Variants in RAD51B observed in about 807,000 individuals in gnomAD.
The protein encoded by RAD51B is RAD51 paralog B.
In RAD51B, 38 loss-of-function variants were observed where a neutral mutation model predicts 42.2. The observed-to-expected ratio is 0.90, with a 90% confidence interval of 0.70 to 1.18. The LOEUF (loss-of-function observed/expected upper bound fraction) is 1.18, where lower values mean the gene tolerates loss of function less well. Among genes scored for constraint, RAD51B ranks in the 50% most tolerant of loss-of-function variants. The pLI is 0.00. For synonymous variants in RAD51B, 154 were observed against 145.2 expected, an observed-to-expected ratio of 1.06 and a Z score of -0.43; for missense variants, 373 against 400.7, an observed-to-expected ratio of 0.93 and a Z score of 0.59.
chr14:67,998,151 T>A (rs2075418013), intron 7 of RAD51B, among the ~76,000 whole-genome samples: 1 of 152,234 alleles, frequency 6.6e-6, no homozygotes, highest in African/African-American at 2.4e-5. Context: ...TCTAAGTTAT[T>A]GTGATGTACT....
rs2081200258 is a variant in RAD51B at position 68,275,392 on chromosome 14, A to G, written c.757-16492A>G. 2.0e-5 allele frequency among the ~76,000 whole-genome samples: 3 copies of G among 152,234 alleles called. No homozygotes were observed. In the South Asian group the frequency reaches 6.2e-4, roughly 32 times the overall value. On this transcript the variant is annotated intron_variant, in intron 7 of 10. Coordinates refer to ENST00000471583, the MANE Select transcript of RAD51B (RefSeq NM_133510.4). Reference sequence around the variant, plus strand: ...TTGAAAACATAATGGAAAAGTGGAAAGCATTCTTGTCAGTCATGTTGAAAA... The same window carrying G: ...TTGAAAACATAATGGAAAAGTGGAAGGCATTCTTGTCAGTCATGTTGAAAA...
chr14:68,087,747 T>C (rs2077006993), intron 7 of RAD51B, among the ~76,000 whole-genome samples: 1 of 149,734 alleles, frequency 6.7e-6, no homozygotes, highest in Non-Finnish European at 1.5e-5. Flanking sequence ...CATTACATTG[T>C]TGATATTAAA....
intron 8 of RAD51B, among the ~76,000 whole-genome samples, chr14:68,309,872 A>C (rs1223111210): frequency 6.6e-6 from 1 of 152,174 alleles, no homozygotes; most frequent in Non-Finnish European, 1.5e-5. Context: ...ATCATGGGGA[A>C]GTGGTTATTC....
chr14:68,192,620 A>G (rs550510999), intron 7 of RAD51B, among the ~76,000 whole-genome samples: 1 of 152,300 alleles, frequency 6.6e-6, no homozygotes, highest in African/African-American at 2.4e-5. Flanking sequence ...CAGGTTTTCT[A>G]TTTGTGACAA....
chr14:67,983,359 G>T (rs2075129220), intron 7 of RAD51B, among the ~76,000 whole-genome samples: 1 of 152,146 alleles, frequency 6.6e-6, no homozygotes, highest in Admixed American at 6.5e-5. Flanking sequence ...ATATTTTGCT[G>T]CTTCTGTTTT....
chr14:68,239,749 A>G (rs988832309), intron 7 of RAD51B, among the ~76,000 whole-genome samples: 2 of 152,220 alleles, frequency 1.3e-5, no homozygotes, highest in African/African-American at 4.8e-5. Context: ...GACTCTTGAT[A>G]TAACTATCAG....
At chr14:68,365,105 G>C (rs2083114533) in intron 8 of RAD51B, among the ~76,000 whole-genome samples, 1 of 152,204 alleles carries the variant, frequency 6.6e-6, no homozygotes, top group Non-Finnish European at 1.5e-5. Flanking sequence ...GCACTGGGTG[G>C]CTAGGGCTGG....
intron 7 of RAD51B, among the ~76,000 whole-genome samples, chr14:68,151,823 CTTTTTTTTTTTTTTTT>C (rs71129868): frequency 7.8e-4 from 31 of 39,986 alleles, no homozygotes; most frequent in East Asian, 1.9e-3. Flanking sequence ...GTTATAAAGA[CTTTTTTTTTTTTTTTT>C]TTTTTTTTTT....
At chr14:68,569,351 G>T (rs953292870) in intron 10 of RAD51B, among the ~76,000 whole-genome samples, 1 of 152,190 alleles carries the variant, frequency 6.6e-6, no homozygotes, top group African/African-American at 2.4e-5. Flanking sequence ...GCTCAGAAGG[G>T]CAACAGGGTC....
chr14:68,435,724 G>C (rs2085132628), intron 9 of RAD51B, among the ~76,000 whole-genome samples: 1 of 152,126 alleles, frequency 6.6e-6, no homozygotes, highest in Non-Finnish European at 1.5e-5. Context: ...ATTCTGACTG[G>C]TGTGAGATGG....
At chr14:68,651,002 G>T (rs1892688679) in intron 11 of RAD51B, 1 of 572,478 alleles carries the variant, frequency 1.7e-6, no homozygotes, top group African/African-American at 1.9e-5. Flanking sequence ...TATCTCAAAG[G>T]TTTGGGCACT....
chr14:68,171,332 C>G (rs2078867323), intron 7 of RAD51B, among the ~76,000 whole-genome samples: 1 of 152,092 alleles, frequency 6.6e-6, no homozygotes. Context: ...GAGTTTCACT[C>G]CTGTTGCCCA....
At chr14:68,380,965 T>A (rs930191463) in intron 8 of RAD51B, among the ~76,000 whole-genome samples, 5 of 152,244 alleles carry the variant, frequency 3.3e-5, no homozygotes, top group African/African-American at 9.6e-5. Flanking sequence ...CACAGTTTAA[T>A]TGGCATCTAT....
chr14:68,595,951 CTT>C (rs11305606), exon 11 of RAD51B: 8,074 of 335,028 alleles, frequency 0.024, 2 homozygotes, highest in East Asian at 0.063. Context: ...TTGGAATTGT[CTT>C]TTTTTTTTTT....
At chr14:67,877,141 GC>G (rs974643232) in intron 5 of RAD51B, among the ~76,000 whole-genome samples, 1 of 152,024 alleles carries the variant, frequency 6.6e-6, no homozygotes, top group African/African-American at 2.4e-5. Flanking sequence ...AGGGATGCTA[GC>G]CATTCTGTAA....
intron 7 of RAD51B, among the ~76,000 whole-genome samples, chr14:67,893,492 ACACACACACACAC>A (rs2043289257): frequency 4.9e-5 from 4 of 81,240 alleles, no homozygotes; most frequent in South Asian, 4.1e-4. Context: ...ACACACACAC[ACACACACACACAC>A]ACACAAAAAA....
intron 10 of RAD51B, among the ~76,000 whole-genome samples, chr14:68,558,177 A>G (rs988570625): frequency 6.6e-6 from 1 of 152,226 alleles, no homozygotes; most frequent in African/African-American, 2.4e-5. Context: ...ATGGAAGAGC[A>G]GGAGGTTTAG....
chr14:68,459,049 G>A (rs2085776003), intron 9 of RAD51B, among the ~76,000 whole-genome samples: 2 of 152,216 alleles, frequency 1.3e-5, no homozygotes, highest in South Asian at 2.1e-4. Flanking sequence ...CAGACTGGGA[G>A]TTGGACCTCT....
chr14:68,269,972 A>C (rs756668384), intron 7 of RAD51B, among the ~76,000 whole-genome samples: 3 of 152,200 alleles, frequency 2.0e-5, no homozygotes, highest in Non-Finnish European at 4.4e-5. Flanking sequence ...TGCCAATTGG[A>C]AACAGCTACT....
Sources: gnomAD v4.1 joint callset for allele counts (sites outside exome capture counted in the v4.1 genomes callset) on GRCh38, gnomAD v4.1.1 for gene constraint, MANE v1.5 for transcripts, NCBI Gene and HGNC (gene_info 2026-07-23, HGNC 2026-07-21) for gene names.